Variants in FBXO10 observed in about 807,000 individuals in gnomAD.
FBXO10 encodes the protein F-box protein 10.
A neutral mutation model predicts 80.7 loss-of-function variants in FBXO10; 39 were observed. The ratio of observed to expected loss-of-function variants is 0.48; its 90% CI spans 0.37 to 0.63. FBXO10 has a LOEUF of 0.63. FBXO10 is among the 30% of genes least tolerant of loss of function. The pLI, the probability that FBXO10 is intolerant of heterozygous loss-of-function variation, is 0.00. For synonymous variants in FBXO10, 449 were observed against 489.6 expected (o/e 0.92, Z 1.09); for missense variants, 1,025 against 1,269.0 (o/e 0.81, Z 2.92).
At chr9:37,517,885 G>A (rs1821225508) in intron 9 of FBXO10, among the ~76,000 whole-genome samples, 1 of 152,178 alleles carries the variant, frequency 6.6e-6, no homozygotes, top group African/African-American at 2.4e-5. Context: ...GACAAGGAGG[G>A]GACACCCCAT....
chr9:37,551,403 G>C (rs1822195256), intron 1 of FBXO10, among the ~76,000 whole-genome samples: 1 of 152,206 alleles, frequency 6.6e-6, no homozygotes. Flanking sequence ...TGCCCAAATA[G>C]GGGCTCCCTG....
At chr9:37,532,541 T>G (rs1821656652) in intron 3 of FBXO10, among the ~76,000 whole-genome samples, 1 of 152,088 alleles carries the variant, frequency 6.6e-6, no homozygotes, top group African/African-American at 2.4e-5. Context: ...AGATGGAATC[T>G]CACTATGTTG....
intron 8 of FBXO10, among the ~76,000 whole-genome samples, chr9:37,519,101 T>G (rs867695810): frequency 3.0e-4 from 46 of 152,102 alleles, no homozygotes; most frequent in East Asian, 1.4e-3. Context: ...AGTAGAGACA[T>G]GGTTTCACCG....
intron 10 of FBXO10, among the ~76,000 whole-genome samples, 198 bp from the exon 11 acceptor site, chr9:37,512,919 C>T (rs965899708): frequency 6.6e-6 from 1 of 152,236 alleles, no homozygotes; most frequent in African/African-American, 2.4e-5. Context: ...CTGCATTCCA[C>T]GTCCAGCTCT....
At chr9:37,566,975 A>C (rs1046954690) in intron 1 of FBXO10, among the ~76,000 whole-genome samples, 1 of 151,966 alleles carries the variant, frequency 6.6e-6, no homozygotes, top group Admixed American at 6.6e-5. Flanking sequence ...CTGCCTGTTC[A>C]TTTTGGTTTA....
chr9:37,545,496 A>C (rs1420489186), intron 1 of FBXO10, among the ~76,000 whole-genome samples: 1 of 152,112 alleles, frequency 6.6e-6, no homozygotes, highest in Non-Finnish European at 1.5e-5. Context: ...TTTTAAGAGA[A>C]AATTGTTCTT....
intron 6 of FBXO10, 138 bp from the exon 7 acceptor site, chr9:37,523,115 A>C: frequency 3.3e-6 from 3 of 914,738 alleles, no homozygotes; most frequent in Non-Finnish European, 4.9e-6. Flanking sequence ...TAGCACTGTA[A>C]ATCTTGTCTG....
intron 4 of FBXO10, 54 bp downstream of exon 4, chr9:37,531,855 A>T: frequency 6.3e-7 from 1 of 1,597,372 alleles, no homozygotes; most frequent in Non-Finnish European, 8.6e-7. Context: ...ATATCCTCAC[A>T]AATGGTTTCT....
intron 3 of FBXO10, 75 bp downstream of exon 3, chr9:37,537,035 G>T: frequency 8.8e-7 from 1 of 1,131,700 alleles, no homozygotes; most frequent in Non-Finnish European, 1.3e-6. Flanking sequence ...TTTTTAAAAT[G>T]CAAAATAGCC....
intron 6 of FBXO10, among the ~76,000 whole-genome samples, chr9:37,524,478 C>T (rs2119073058): frequency 6.6e-6 from 1 of 152,332 alleles, no homozygotes; most frequent in Admixed American, 6.5e-5. Context: ...GGGGGATTCC[C>T]TGGACCAGTA....
At chr9:37,559,785 CG>C (rs1306100474) in intron 1 of FBXO10, among the ~76,000 whole-genome samples, 2 of 152,186 alleles carry the variant, frequency 1.3e-5, no homozygotes, top group African/African-American at 4.8e-5. Context: ...TTTGAGATGA[CG>C]GTTACTCTAG....
At chr9:37,520,073 G>A (rs1017293068) in intron 8 of FBXO10, among the ~76,000 whole-genome samples, 3 of 151,862 alleles carry the variant, frequency 2.0e-5, no homozygotes, top group African/African-American at 4.8e-5. Flanking sequence ...AAACTCAAGC[G>A]ATCCTCCTGC....
chr9:37,524,850 A>G (rs1821428296), intron 6 of FBXO10, among the ~76,000 whole-genome samples: 1 of 152,216 alleles, frequency 6.6e-6, no homozygotes, highest in Non-Finnish European at 1.5e-5. Flanking sequence ...TGCTTCTGAA[A>G]CTGTTCTGTG....
chr9:37,536,804 G>A (rs1035102279), intron 3 of FBXO10, among the ~76,000 whole-genome samples: 11 of 152,092 alleles, frequency 7.2e-5, no homozygotes, highest in African/African-American at 2.7e-4. Flanking sequence ...CTCCTACTCC[G>A]ACATGGTGAG....
intron 8 of FBXO10, among the ~76,000 whole-genome samples, chr9:37,520,110 C>T (rs1459760462): frequency 2.0e-5 from 3 of 151,884 alleles, no homozygotes; most frequent in African/African-American, 7.3e-5. Flanking sequence ...GTTAGGGTTA[C>T]AGGTGTGAGC....
chr9:37,567,716 G>C (rs1307096190), intron 1 of FBXO10, among the ~76,000 whole-genome samples: 2 of 152,084 alleles, frequency 1.3e-5, no homozygotes, highest in African/African-American at 4.8e-5. Context: ...TTTTAGTAGA[G>C]ATGGGGTTTC....
At chr9:37,535,640 G>C (rs1466859995) in intron 3 of FBXO10, among the ~76,000 whole-genome samples, 2 of 152,116 alleles carry the variant, frequency 1.3e-5, no homozygotes, top group Non-Finnish European at 2.9e-5. Context: ...TTACAGGCTT[G>C]AGCCACAGCA....
At chr9:37,540,541 A>T (rs1016548754) in intron 2 of FBXO10, among the ~76,000 whole-genome samples, 1 of 152,152 alleles carries the variant, frequency 6.6e-6, no homozygotes, top group East Asian at 1.9e-4. Flanking sequence ...TACCTACATA[A>T]TCCAAGTTTC....
chr9:37,513,476 C>G (rs1821112507), intron 10 of FBXO10, among the ~76,000 whole-genome samples: 1 of 152,200 alleles, frequency 6.6e-6, no homozygotes, highest in South Asian at 2.1e-4. Flanking sequence ...GCCTTACATG[C>G]AACACCATGA....
Sources: allele counts gnomAD v4.1 joint callset (sites outside exome capture counted in the v4.1 genomes callset), GRCh38; gene constraint gnomAD v4.1.1; transcripts MANE v1.5; gene names NCBI Gene and HGNC (gene_info 2026-07-23, HGNC 2026-07-21).